Variants in CDH8 observed in about 807,000 individuals in gnomAD.
The protein encoded by CDH8 is cadherin-8.
A neutral mutation model predicts 68.1 loss-of-function variants in CDH8; 17 were observed. The ratio of observed to expected loss-of-function variants is 0.25; its 90% CI spans 0.17 to 0.37. The LOEUF (loss-of-function observed/expected upper bound fraction) is 0.37, where lower values mean the gene tolerates loss of function less well. Ranked by LOEUF, CDH8 falls within the 10% of genes least tolerant of loss-of-function variation. The pLI, the probability that CDH8 is intolerant of heterozygous loss-of-function variation, is 1.00. For missense variants in CDH8, 763 were observed against 999.3 expected (o/e 0.76, Z 3.19); for synonymous variants, 372 against 365.1 (o/e 1.02, Z -0.21).
intron 3 of CDH8, among the ~76,000 whole-genome samples, chr16:61,890,773 G>T (rs914480326): frequency 1.3e-5 from 2 of 151,986 alleles, no homozygotes; most frequent in South Asian, 2.1e-4. Context: ...GTCATTCTGA[G>T]GAATTTTTAT....
intron 2 of CDH8, among the ~76,000 whole-genome samples, chr16:61,982,800 C>T (rs950384388): frequency 2.0e-5 from 3 of 152,096 alleles, no homozygotes; most frequent in African/African-American, 7.2e-5. Flanking sequence ...GAATTTCAGA[C>T]ACAGGAACAG....
Position 61,652,223 on chromosome 16 carries a change from T to C in CDH8, c.*1385A>G, listed in dbSNP as rs1290710795. 20 of 982,678 alleles carry C rather than the reference T, an allele frequency of 2.0e-5. No individual in the cohort carries two copies. Among genetic ancestry groups the C allele is most frequent in the Non-Finnish European group, 2.3e-5 (19 of 827,574 alleles). The allele number at this position is 982,678 out of a possible 1,614,324, so 60.9% of individuals were successfully genotyped here. On this transcript the variant is annotated 3_prime_UTR_variant, in exon 12 of 12. Coordinates refer to ENST00000577390, the MANE Select transcript of CDH8 (RefSeq NM_001796.5). The stretch of plus-strand genomic sequence containing the variant: ...TGCTCACATCTTCTAGTGCTGTTCC[T>C]TTTTGGAGTCTAAGACATTCTGTGC...
At chr16:61,727,467 AAG>A (rs1335405740) in intron 8 of CDH8, among the ~76,000 whole-genome samples, 1 of 151,128 alleles carries the variant, frequency 6.6e-6, no homozygotes, top group Non-Finnish European at 1.5e-5. Flanking sequence ...AATAAATTAA[AAG>A]AGGTTTCTTT....
chr16:61,883,671 G>T (rs1455384650), intron 3 of CDH8, among the ~76,000 whole-genome samples: 2 of 150,320 alleles, frequency 1.3e-5, no homozygotes, highest in Non-Finnish European at 3.0e-5. Flanking sequence ...CTTGATAGCA[G>T]ACCAAAATAC....
chr16:61,696,704 A>G (rs987976813), intron 10 of CDH8, among the ~76,000 whole-genome samples: 1 of 152,220 alleles, frequency 6.6e-6, no homozygotes, highest in Non-Finnish European at 1.5e-5. Flanking sequence ...ATGGCCAGCA[A>G]TGATAGACTA....
chr16:61,774,284 G>A (rs1960851710), intron 8 of CDH8, among the ~76,000 whole-genome samples: 1 of 151,864 alleles, frequency 6.6e-6, no homozygotes, highest in Non-Finnish European at 1.5e-5. Flanking sequence ...TAGGGAAACA[G>A]ACAGGGGACG....
intron 8 of CDH8, among the ~76,000 whole-genome samples, chr16:61,733,533 C>A (rs1959594137): frequency 6.6e-6 from 1 of 151,850 alleles, no homozygotes; most frequent in African/African-American, 2.4e-5. Flanking sequence ...AGGAAACTAT[C>A]AAATAAAGTA....
At chr16:61,659,155 T>A (rs902973925) in intron 10 of CDH8, among the ~76,000 whole-genome samples, 1 of 152,208 alleles carries the variant, frequency 6.6e-6, no homozygotes, top group African/African-American at 2.4e-5. Flanking sequence ...AAAGGAGCTC[T>A]ACAGATGTGC....
chr16:61,867,893 T>G (rs1963285624), intron 3 of CDH8, among the ~76,000 whole-genome samples: 1 of 152,118 alleles, frequency 6.6e-6, no homozygotes, highest in Admixed American at 6.6e-5. Flanking sequence ...ATTTTCCCCT[T>G]TTAGACTAAA....
At chr16:61,882,897 A>G (rs1963603956) in intron 3 of CDH8, among the ~76,000 whole-genome samples, 2 of 152,222 alleles carry the variant, frequency 1.3e-5, no homozygotes, top group Non-Finnish European at 2.9e-5. Context: ...ATAAGCTGGA[A>G]AAAAGAAGTA....
intron 7 of CDH8, among the ~76,000 whole-genome samples, chr16:61,792,204 G>A (rs1225686390): frequency 2.0e-5 from 3 of 151,908 alleles, no homozygotes; most frequent in African/African-American, 4.8e-5. Flanking sequence ...TCCAGATCAT[G>A]ACAGACTTTA....
chr16:61,779,428 T>TGG (rs1171270544), intron 8 of CDH8, among the ~76,000 whole-genome samples: 1 of 105,672 alleles, frequency 9.5e-6, no homozygotes, highest in Non-Finnish European at 2.3e-5. Flanking sequence ...TTCGTTTATG[T>TGG]GTGTGTGTGT....
At chr16:61,746,654 A>G (rs4131786) in intron 8 of CDH8, among the ~76,000 whole-genome samples, 74,683 of 151,424 alleles carry the variant, frequency 0.49, 19,507 homozygotes, top group African/African-American at 0.66. Flanking sequence ...ATCACCCTGC[A>G]CTTGTTTAGC....
chr16:61,774,810 G>T (rs1463268695), intron 8 of CDH8, among the ~76,000 whole-genome samples: 1 of 152,070 alleles, frequency 6.6e-6, no homozygotes, highest in Non-Finnish European at 1.5e-5. Context: ...AACCAAATAC[G>T]TATGTGTTAT....
intron 8 of CDH8, among the ~76,000 whole-genome samples, chr16:61,736,514 G>A (rs141835679): frequency 6.6e-6 from 1 of 152,222 alleles, no homozygotes; most frequent in East Asian, 1.9e-4. Flanking sequence ...GAATGCCTCA[G>A]AAATCTACTG....
Position 61,698,964 on chromosome 16 carries a change from T to C in CDH8, c.1654+14877A>G, listed in dbSNP as rs76742573. ...GGAAATTCCTGCTGCCATGTAATCC[T>C]CATTTATTTGAACCCTTTTATACCT... On this transcript the variant is annotated intron_variant, in intron 10 of 11. Transcript: ENST00000577390. Among the ~76,000 whole-genome samples, 820 of 152,310 alleles carry C rather than the reference T, an allele frequency of 5.4e-3. 12 individuals are homozygous for C. The highest frequency in any genetic ancestry group is 0.047 in the East Asian group (244 of 5,178).
chr16:61,716,138 A>G (rs1212653884), intron 9 of CDH8, among the ~76,000 whole-genome samples: 1 of 151,654 alleles, frequency 6.6e-6, no homozygotes, highest in East Asian at 1.9e-4. Flanking sequence ...GGTTTTCTCA[A>G]GTAGAGATCA....
intron 8 of CDH8, among the ~76,000 whole-genome samples, chr16:61,746,875 C>T (rs1163436893): frequency 1.3e-5 from 2 of 151,970 alleles, no homozygotes; most frequent in Non-Finnish European, 2.9e-5. Flanking sequence ...TGACAGTGGA[C>T]CAAGATGCAT....
chr16:61,918,085 T>C (rs1597063995), intron 2 of CDH8, among the ~76,000 whole-genome samples: 1 of 147,040 alleles, frequency 6.8e-6, no homozygotes, highest in Non-Finnish European at 1.5e-5. Context: ...TACTGAGTCA[T>C]AGAACTCTTC....
Sources: allele counts gnomAD v4.1 joint callset (sites outside exome capture counted in the v4.1 genomes callset), GRCh38; gene constraint gnomAD v4.1.1; transcripts MANE v1.5; gene names NCBI Gene and HGNC (gene_info 2026-07-23, HGNC 2026-07-21).